The following DNAH8 variants were observed in gnomAD, a reference collection of about 807,000 sequenced individuals.
The protein encoded by DNAH8 is dynein axonemal heavy chain 8.
Under a neutral mutation model 562.1 loss-of-function variants are expected in DNAH8, and 382 were observed. The observed-to-expected ratio is 0.68, with a 90% CI of 0.63 to 0.74. DNAH8 has a LOEUF of 0.74. DNAH8 is among the 30% of genes least tolerant of loss of function. DNAH8 has a pLI of 0.00. For missense variants in DNAH8, 5,203 were observed against 5,620.4 expected (o/e 0.93, Z 2.37); for synonymous variants, 1,881 against 1,919.4 (o/e 0.98, Z 0.52).
At chr6:38,911,441 A>G (rs1780888266) in intron 65 of DNAH8, 27 bp from the exon 66 acceptor site, 4 of 1,509,256 alleles carry the variant, frequency 2.7e-6, no homozygotes, top group Non-Finnish European at 3.7e-6. Flanking sequence ...AATGATTGAA[A>G]TGGTCCTTTT....
At chr6:38,889,832 A>T (rs1454799012) in intron 57 of DNAH8, among the ~76,000 whole-genome samples, 5 of 151,952 alleles carry the variant, frequency 3.3e-5, no homozygotes, top group African/African-American at 1.2e-4. Flanking sequence ...GTGTGAACAA[A>T]CTCCAGTTTC....
intron 32 of DNAH8, among the ~76,000 whole-genome samples, 167 bp downstream of exon 32, chr6:38,834,808 C>T (rs1774142467): frequency 6.6e-6 from 1 of 152,148 alleles, no homozygotes; most frequent in Non-Finnish European, 1.5e-5. Context: ...CTGTCTCCCT[C>T]CATGCTCCTC....
At chr6:38,961,008 A>C (rs56158192) in intron 82 of DNAH8, among the ~76,000 whole-genome samples, 6,987 of 152,144 alleles carry the variant, frequency 0.046, 506 homozygotes, top group African/African-American at 0.15. Flanking sequence ...AGCCATAAAA[A>C]AAGAATGGCA....
intron 87 of DNAH8, among the ~76,000 whole-genome samples, chr6:38,987,332 T>C (rs1185115820): frequency 6.6e-6 from 1 of 152,206 alleles, no homozygotes; most frequent in Non-Finnish European, 1.5e-5. Context: ...CCCTGTACCC[T>C]GACATTTGGC....
At chr6:39,021,129 G>C (rs1460315524) in intron 91 of DNAH8, among the ~76,000 whole-genome samples, 1 of 152,180 alleles carries the variant, frequency 6.6e-6, no homozygotes, top group Non-Finnish European at 1.5e-5. Flanking sequence ...AAATAGGAAT[G>C]CTGTCACACT....
chr6:38,929,677 T>TAAAAAAAAAAAAAAAAGAAAAAAA lies in DNAH8; in HGVS notation c.11274+26_11274+27insAGAAAAAAAAAAAAAAAAAAAAAA. On this transcript the variant is annotated intron_variant, in intron 75 of 92. Coordinates refer to ENST00000327475, the MANE Select transcript of DNAH8 (RefSeq NM_001206927.2). ...GGCACCACTTTCAAGGTGAGCTTTG[T>TAAAAAAAAAAAAAAAAGAAAAAAA]AAAAAAAAAAAAAAAGAAAGAAAGA... 1 of 1,097,538 alleles carries TAAAAAAAAAAAAAAAAGAAAAAAA rather than the reference T, an allele frequency of 9.1e-7. No homozygotes were observed. The allele number at this position is 1,097,538 out of a possible 1,614,324, so 68.0% of individuals were successfully genotyped here.
intron 3 of DNAH8, among the ~76,000 whole-genome samples, chr6:38,729,263 G>A (rs1346967885): frequency 6.6e-6 from 1 of 152,114 alleles, no homozygotes; most frequent in Non-Finnish European, 1.5e-5. Flanking sequence ...CCAAGAGAAA[G>A]CCTTCTGTAT....
intron 85 of DNAH8, among the ~76,000 whole-genome samples, chr6:38,981,397 T>C (rs1764026640): frequency 6.6e-6 from 1 of 152,214 alleles, no homozygotes; most frequent in South Asian, 2.1e-4. Context: ...AATCATTTGC[T>C]CTGAGTCCAG....
intron 88 of DNAH8, among the ~76,000 whole-genome samples, chr6:39,005,308 G>A (rs1450903699): frequency 6.6e-6 from 1 of 152,178 alleles, no homozygotes; most frequent in Non-Finnish European, 1.5e-5. Context: ...TGCTACTCAG[G>A]AGGCTGAGGC....
chr6:38,883,532 A>C (rs4714191), intron 55 of DNAH8, 76 bp downstream of exon 55: 6 of 1,369,678 alleles, frequency 4.4e-6, no homozygotes, highest in Admixed American at 4.6e-5. Flanking sequence ...ATGTGTACGC[A>C]TATAAAATGT....
intron 4 of DNAH8, among the ~76,000 whole-genome samples, chr6:38,731,939 C>T (rs1277205761): frequency 1.3e-5 from 2 of 152,208 alleles, no homozygotes; most frequent in African/African-American, 2.4e-5. Flanking sequence ...TGGTCTTGAA[C>T]TCCTGGCCTC....
chr6:38,761,882 A>G lies in DNAH8; in HGVS notation c.1617+79A>G, dbSNP rs553234959. On this transcript the variant is annotated intron_variant, in intron 11 of 92. Transcript: ENST00000327475. The stretch of plus-strand genomic sequence containing the variant: ...ATTTTACTTTGTTTATTCACAAAAT[A>G]TGTTAACTGAAAAAACTTCCTACAG... 2.7e-5 allele frequency: 22 copies of G among 801,472 alleles called. No individual in the cohort carries two copies. The South Asian group carries it at 3.9e-4, about 14-fold the overall frequency. The allele number at this position is 801,472 out of a possible 1,614,324, so 49.6% of individuals were successfully genotyped here. A position where few individuals can be genotyped will look rare whatever the true frequency, so the allele number is the denominator to read the frequency against.
intron 27 of DNAH8, 73 bp from the exon 28 acceptor site, chr6:38,823,489 C>A (rs1773057346): frequency 8.3e-7 from 1 of 1,207,004 alleles, no homozygotes; most frequent in South Asian, 1.4e-5. Context: ...TGAGCAAATG[C>A]AATTTTCTAA....
intron 15 of DNAH8, 97 bp from the exon 16 acceptor site, chr6:38,781,157 A>G (rs1241459709): frequency 7.4e-7 from 1 of 1,358,984 alleles, no homozygotes; most frequent in Non-Finnish European, 1.0e-6. Flanking sequence ...TATATAAAAC[A>G]TGAATAATGA....
rs897521723 is a variant in DNAH8, at chr6:38,831,747, C to A, written c.4189-575C>A. On this transcript the variant is annotated intron_variant, in intron 30 of 92. Transcript: ENST00000327475. ...GTTTTCTCAACTGTAAAATGGTAAT[C>A]ATATTAGCATATTACAATTTTCTTC... Among the ~76,000 whole-genome samples, 4 of 152,188 alleles carry A rather than the reference C, an allele frequency of 2.6e-5. No individual in the cohort carries two copies. In the East Asian group the frequency reaches 5.8e-4, roughly 22 times the overall value.
chr6:38,786,996 TG>T (rs775788041), intron 18 of DNAH8, 44 bp downstream of exon 18: 5 of 1,391,122 alleles, frequency 3.6e-6, no homozygotes, highest in Non-Finnish European at 4.8e-6. Flanking sequence ...AGGAGTTTTT[TG>T]GTAAAAAAAA....
At chr6:39,008,361 G>A (rs555795467) in intron 88 of DNAH8, among the ~76,000 whole-genome samples, 7 of 152,032 alleles carry the variant, frequency 4.6e-5, no homozygotes, top group East Asian at 3.9e-4. Flanking sequence ...CAGAAAAGAC[G>A]AAAATATTTT....
intron 4 of DNAH8, among the ~76,000 whole-genome samples, chr6:38,733,737 C>G (rs901209988): frequency 6.6e-6 from 1 of 151,546 alleles, no homozygotes; most frequent in African/African-American, 2.4e-5. Context: ...ATGGTAAAAC[C>G]CTGTCTCTAC....
At chr6:38,901,993 A>G (rs1489190681) in intron 62 of DNAH8, among the ~76,000 whole-genome samples, 1 of 152,160 alleles carries the variant, frequency 6.6e-6, no homozygotes, top group African/African-American at 2.4e-5. Flanking sequence ...TGGATGGGAC[A>G]TGCAATCCTC....
Sources: gnomAD v4.1 joint callset for allele counts (sites outside exome capture counted in the v4.1 genomes callset) on GRCh38, gnomAD v4.1.1 for gene constraint, MANE v1.5 for transcripts, NCBI Gene and HGNC (gene_info 2026-07-23, HGNC 2026-07-21) for gene names.